The following GPR39 variants were observed in gnomAD, a reference collection of about 807,000 sequenced individuals.
The protein encoded by GPR39 is zinc sensing receptor.
A neutral mutation model predicts 18.4 loss-of-function variants in GPR39; 23 were observed. The ratio of observed to expected loss-of-function variants is 1.25; its 90% CI spans 0.90 to 1.77. GPR39 has a LOEUF of 1.77. Ranked by LOEUF, GPR39 falls within the 40% of genes most tolerant of loss-of-function variation. GPR39 has a pLI of 0.00. For synonymous variants in GPR39, 280 were observed against 257.9 expected (o/e 1.09, Z -0.82); for missense variants, 647 against 602.4 (o/e 1.07, Z -0.78).
chr2:132,423,423 G>A (rs896239217), intron 1 of GPR39, among the ~76,000 whole-genome samples: 2 of 152,040 alleles, frequency 1.3e-5, no homozygotes, highest in African/African-American at 2.4e-5. Flanking sequence ...CAATCACACC[G>A]GGGCTTAGGC....
chr2:132,513,379 C>A (rs1325531169), intron 1 of GPR39, among the ~76,000 whole-genome samples: 1 of 151,812 alleles, frequency 6.6e-6, no homozygotes, highest in Admixed American at 6.6e-5. Flanking sequence ...GGGAGGATGG[C>A]GTGAACCTGG....
chr2:132,590,453 G>A (rs80346408), intron 1 of GPR39, among the ~76,000 whole-genome samples: 1 of 152,194 alleles, frequency 6.6e-6, no homozygotes, highest in East Asian at 1.9e-4. Flanking sequence ...CCTTAGACAA[G>A]CACTCAGCCC....
At chr2:132,623,205 A>C (rs1681477345) in intron 1 of GPR39, among the ~76,000 whole-genome samples, 1 of 152,228 alleles carries the variant, frequency 6.6e-6, no homozygotes, top group Non-Finnish European at 1.5e-5. Flanking sequence ...GTCAGAGCTC[A>C]GTCCTCAAGA....
At position 132,646,363 on chromosome 2, in the gene GPR39, A is replaced by G; in HGVS notation, c.*757A>G. The stretch of plus-strand genomic sequence containing the variant: ...CCTCTCAGCCCAAATCCAAACGGAC[A>G]GCTCTTCCTTACTCCTCCCACAGCC... On this transcript the variant is annotated 3_prime_UTR_variant, in exon 2 of 2. Coordinates refer to ENST00000329321, the MANE Select transcript of GPR39 (RefSeq NM_001508.3). The G allele has an allele frequency of 1.1e-6, 1 of 935,716 alleles. No individual in the cohort carries two copies. Among genetic ancestry groups the G allele is most frequent in the Non-Finnish European group, 1.5e-6 (1 of 672,494 alleles). The allele number at this position is 935,716 out of a possible 1,614,324, so 58.0% of individuals were successfully genotyped here.
chr2:132,429,903 C>T lies in GPR39; in HGVS notation c.856+12005C>T, dbSNP rs147099621. Among the ~76,000 whole-genome samples the T allele has an allele frequency of 5.3e-5, 8 of 152,326 alleles. No individual in the cohort carries two copies. The East Asian group carries it at 1.5e-3, about 29-fold the overall frequency. On this transcript the variant is annotated intron_variant, in intron 1 of 1. Transcript: ENST00000329321. ...AATGATTGGACTGGAGTAGGGAAAT[C>T]TAGAAGGTAGCAGTGATGAATTTAG...
At chr2:132,644,782 C>A in intron 1 of GPR39, 1 of 301,466 alleles carries the variant, frequency 3.3e-6, no homozygotes, top group Non-Finnish European at 6.1e-6. Context: ...ACATGAACTG[C>A]TTTCTGGATA....
chr2:132,533,750 C>T (rs1326231190), intron 1 of GPR39, among the ~76,000 whole-genome samples: 4 of 152,096 alleles, frequency 2.6e-5, no homozygotes, highest in Admixed American at 2.6e-4. Flanking sequence ...AAAAGGATTC[C>T]CTATTTAATA....
intron 1 of GPR39, among the ~76,000 whole-genome samples, chr2:132,617,443 A>T (rs932227311): frequency 2.0e-5 from 3 of 152,156 alleles, no homozygotes; most frequent in African/African-American, 7.2e-5. Context: ...CACTTTAGTC[A>T]TTGTGAAAAG....
rs757460397 is a variant in GPR39, at chr2:132,493,471, C to CAT, written c.856+75585_856+75586dup. ...ATATACACACCATATATATATACAC[C>CAT]ATATATATATATACACCATATATAT... On this transcript the variant is annotated intron_variant, in intron 1 of 1. Coordinates refer to ENST00000329321, the MANE Select transcript of GPR39 (RefSeq NM_001508.3). Among the ~76,000 whole-genome samples, 885 of 129,208 alleles carry CAT rather than the reference C, an allele frequency of 6.8e-3. 4 individuals are homozygous for CAT. Among genetic ancestry groups the CAT allele is most frequent in the Non-Finnish European group, 8.3e-3 (532 of 63,994 alleles). 84.8% of individuals were successfully genotyped at this position (129,208 alleles called of 152,430 possible).
chr2:132,595,635 A>T (rs17324214), intron 1 of GPR39, among the ~76,000 whole-genome samples: 28,232 of 151,948 alleles, frequency 0.19, 2,838 homozygotes, highest in Middle Eastern at 0.23. Context: ...TTATTATGGA[A>T]TAATTCTGTG....
chr2:132,562,243 C>A (rs1680268950), intron 1 of GPR39, among the ~76,000 whole-genome samples: 1 of 152,106 alleles, frequency 6.6e-6, no homozygotes, highest in Admixed American at 6.5e-5. Context: ...CAGACTGATT[C>A]TTCACACTGC....
chr2:132,547,533 C>A (rs535553298), intron 1 of GPR39, among the ~76,000 whole-genome samples: 1 of 152,114 alleles, frequency 6.6e-6, no homozygotes, highest in African/African-American at 2.4e-5. Context: ...TTTAATCTTT[C>A]GGCTGCTTTG....
chr2:132,599,781 C>T (rs1681007532), intron 1 of GPR39, among the ~76,000 whole-genome samples: 1 of 152,156 alleles, frequency 6.6e-6, no homozygotes, highest in South Asian at 2.1e-4. Context: ...CATGGCGTGT[C>T]AGCAGACCAT....
At chr2:132,418,624 A>G (rs1679954515) in intron 1 of GPR39, 1 of 152,094 alleles carries the variant, frequency 6.6e-6, no homozygotes, top group African/African-American at 2.4e-5. Context: ...CCCAATTCTT[A>G]TGCTTGTTTT....
chr2:132,492,549 T>TAC (rs1681500836), intron 1 of GPR39, among the ~76,000 whole-genome samples: 3 of 133,460 alleles, frequency 2.2e-5, no homozygotes, highest in South Asian at 2.6e-4. Flanking sequence ...ACCATATATA[T>TAC]ACACCATATA....
At chr2:132,605,749 C>G (rs1487619851) in intron 1 of GPR39, among the ~76,000 whole-genome samples, 1 of 152,130 alleles carries the variant, frequency 6.6e-6, no homozygotes, top group Non-Finnish European at 1.5e-5. Flanking sequence ...GAGGGGTGTT[C>G]AGTCGGCTGA....
At chr2:132,553,415 C>A (rs1056983639) in intron 1 of GPR39, among the ~76,000 whole-genome samples, 2 of 150,084 alleles carry the variant, frequency 1.3e-5, no homozygotes, top group African/African-American at 4.9e-5. Context: ...TATATATGTA[C>A]ACACACAAAT....
At chr2:132,421,680 T>G (rs1419783782) in intron 1 of GPR39, among the ~76,000 whole-genome samples, 1 of 152,180 alleles carries the variant, frequency 6.6e-6, no homozygotes, top group African/African-American at 2.4e-5. Context: ...GCTGCTGAAA[T>G]GAACTACTCT....
At chr2:132,492,693 T>TATATATAATATATATACACACC (rs1681509822) in intron 1 of GPR39, among the ~76,000 whole-genome samples, 1 of 125,676 alleles carries the variant, frequency 8.0e-6, no homozygotes, top group African/African-American at 4.3e-5. Flanking sequence ...ATACACACCA[T>TATATATAATATATATACACACC]ATATATATAA....
Sources: allele counts gnomAD v4.1 joint callset (sites outside exome capture counted in the v4.1 genomes callset), GRCh38; gene constraint gnomAD v4.1.1; transcripts MANE v1.5; gene names NCBI Gene and HGNC (gene_info 2026-07-23, HGNC 2026-07-21).